LRRC8E: variants seen among roughly 807,000 people sequenced by gnomAD.
LRRC8E encodes the protein volume-regulated anion channel subunit LRRC8E.
Under a neutral mutation model 6.1 loss-of-function variants are expected in LRRC8E, and 6 were observed. The observed-to-expected ratio is 0.98, with a 90% CI of 0.54 to 1.93. LRRC8E has a LOEUF of 1.93. Ranked by LOEUF, LRRC8E falls within the 30% of genes most tolerant of loss-of-function variation. The probability of loss-of-function intolerance (pLI) is 0.01; values close to 1 mark genes in which losing one functional copy is unlikely to be tolerated. For missense variants in LRRC8E, 1,028 were observed against 1,031.4 expected (o/e 1.00, Z 0.04); for synonymous variants, 485 against 472.8 (o/e 1.03, Z -0.33).
intron 2 of LRRC8E, among the ~76,000 whole-genome samples, chr19:7,898,103 A>G (rs1981695223): frequency 6.6e-6 from 1 of 151,704 alleles, no homozygotes; most frequent in Non-Finnish European, 1.5e-5. Context: ...CCGGCTACTC[A>G]GCAGGCTGAG....
chr19:7,894,760 G>A (rs900753441), intron 1 of LRRC8E, among the ~76,000 whole-genome samples: 1 of 152,218 alleles, frequency 6.6e-6, no homozygotes, highest in African/African-American at 2.4e-5. Flanking sequence ...GGTCTAAAAG[G>A]AGACCCTGGG....
At chr19:7,889,991 T>C (rs55762289) in intron 1 of LRRC8E, among the ~76,000 whole-genome samples, 10,968 of 151,698 alleles carry the variant, frequency 0.072, 476 homozygotes, top group Non-Finnish European at 0.1. Context: ...GTGATCCACC[T>C]GCCTCAACCT....
chr19:7,895,646 C>G lies in LRRC8E; in HGVS notation c.43C>G (p.Pro15Ala), dbSNP rs1599605564. The G allele has an allele frequency of 4.3e-6, 7 of 1,614,100 alleles. No homozygotes were observed. The highest frequency in any genetic ancestry group is 4.2e-6 in the Non-Finnish European group (5 of 1,179,966). ...GTTCAAGCAGTTCACGGAACAGCAG[C>G]CTGCGTTCAAGGTGCTCAAACCCTG... ...AEFKQFTEQQ[P>A]AFKVLKPWWD... Residue 15 changes from proline to alanine, a missense_variant, in exon 2 of 3, where the codon CCT (proline) becomes GCT (alanine). By Grantham distance (27) the Pro-to-Ala change is conservative. Coordinates refer to ENST00000306708, the MANE Select transcript of LRRC8E (RefSeq NM_025061.6). The surrounding 1 kb of genome is among the most constrained non-coding windows in gnomAD (Gnocchi z 4.7).
chr19:7,895,497 G>T lies in LRRC8E; in HGVS notation c.-5-102G>T. ...TGGTTTGGACAAGTTTGGGCAGGGA[G>T]GGTCACAGGCCTGCCTGTGTCCGGC... is the stretch of plus-strand genomic sequence containing the variant. On this transcript the variant is annotated intron_variant, in intron 1 of 2. Coordinates refer to ENST00000306708, the MANE Select transcript of LRRC8E (RefSeq NM_025061.6). The surrounding 1 kb of genome is among the most constrained non-coding windows in gnomAD (Gnocchi z 4.7). 1 of 1,434,706 alleles carries T rather than the reference G, an allele frequency of 7.0e-7. No individual in the cohort carries two copies. The highest frequency in any genetic ancestry group is 9.6e-7 in the Non-Finnish European group (1 of 1,039,284). The allele number at this position is 1,434,706 out of a possible 1,614,324, so 88.9% of individuals were successfully genotyped here.
Position 7,899,285 on chromosome 19 carries a change from T to C in LRRC8E, c.763T>C (p.Tyr255His), listed in dbSNP as rs1310039916. 6.2e-7 allele frequency: 1 copy of C among 1,614,234 alleles called. No individual in the cohort carries two copies. Among genetic ancestry groups the C allele is most frequent in the Non-Finnish European group, 8.5e-7 (1 of 1,180,036 alleles). Residue 255 changes from tyrosine to histidine, a missense_variant, in exon 3 of 3, where the codon TAC becomes CAC. Transcript: ENST00000306708. ...AGAGGGCGACATCCTGTACACCATG[T>C]ACATCCGACAGACGGTGCTGAAAGT... ...VEEGDILYTM[Y>H]IRQTVLKVCK...
chr19:7,895,536 C>A lies in LRRC8E; in HGVS notation c.-5-63C>A, dbSNP rs1981532636. 2.5e-6 allele frequency: 4 copies of A among 1,577,534 alleles called. No individual in the cohort carries two copies. The highest frequency in any genetic ancestry group is 3.5e-6 in the Non-Finnish European group (4 of 1,152,248). Reference sequence around the variant, plus strand: ...CCTGTGTCCGGCTCCTCGGAGGACCCCCTGCAGAGCCTCCCATCCTGAGGG... The same window carrying A: ...CCTGTGTCCGGCTCCTCGGAGGACCACCTGCAGAGCCTCCCATCCTGAGGG... On this transcript the variant is annotated intron_variant, in intron 1 of 2. Transcript: ENST00000306708. This position sits in a 1 kb window ranked among gnomAD's most constrained non-coding sequence, Gnocchi z 4.7.
In LRRC8E at chr19:7,895,362, CA is replaced by C; in HGVS notation, c.-5-236del. On this transcript the variant is annotated intron_variant, in intron 1 of 2. Transcript: ENST00000306708. This position sits in a 1 kb window ranked among gnomAD's most constrained non-coding sequence, Gnocchi z 4.7. The stretch of plus-strand genomic sequence containing the variant: ...GAGGTCAGACAAGTCAGATCAGGTG[CA>C]GGGGTGCCCAGAGGGGAACAGTGGC... 1.9e-6 allele frequency: 1 copy of C among 527,356 alleles called. No individual in the cohort carries two copies. Among genetic ancestry groups the C allele is most frequent in the Non-Finnish European group, 3.5e-6 (1 of 289,430 alleles). The allele number at this position is 527,356 out of a possible 1,614,324, so 32.7% of individuals were successfully genotyped here.
rs1981966258 is a variant in LRRC8E at position 7,900,823 on chromosome 19, T to TG, written c.2307dup (p.Leu770AlafsTer37). ...CGCTGCCAGAAGAACTTGGCAACTG[T>TG]GGGGGGCTCAAGAAGGCGGGGCTCC... On this transcript the variant is annotated frameshift_variant, in exon 3 of 3. Coordinates refer to ENST00000306708, the MANE Select transcript of LRRC8E (RefSeq NM_025061.6). LOFTEE classifies it low-confidence loss of function (END_TRUNC). The surrounding 1 kb of genome is among the most constrained non-coding windows in gnomAD (Gnocchi z 5.0). The TG allele has an allele frequency of 6.3e-7, 1 of 1,586,712 alleles. No homozygotes were observed. The highest frequency in any genetic ancestry group is 1.8e-5 in the Admixed American group (1 of 55,848).
intron 1 of LRRC8E, among the ~76,000 whole-genome samples, chr19:7,892,671 T>C (rs1211536855): frequency 1.3e-5 from 2 of 152,300 alleles, no homozygotes; most frequent in Middle Eastern, 3.4e-3. Context: ...TGCACAAATA[T>C]GCATGACCCA....
chr19:7,898,260 C>A (rs1981709253), intron 2 of LRRC8E, among the ~76,000 whole-genome samples: 1 of 150,868 alleles, frequency 6.6e-6, no homozygotes, highest in Non-Finnish European at 1.5e-5. Context: ...CAAAACTCTT[C>A]CAAAATCACA....
In LRRC8E at chr19:7,900,191, G is replaced by A. The variant is rs1186862362; in HGVS notation, c.1669G>A (p.Ala557Thr). The change falls in exon 3 of 3, where the codon GCT becomes ACT. Residue 557 changes from alanine (A) to threonine (T), a missense_variant. Coordinates refer to ENST00000306708, the MANE Select transcript of LRRC8E (RefSeq NM_025061.6). This position sits in a 1 kb window ranked among gnomAD's most constrained non-coding sequence, Gnocchi z 5.0. The stretch of plus-strand genomic sequence containing the variant: ...GGTGCCAGCCAGTGTGACCGACGTT[G>A]CTGGCCACCTGCAGAGGCTCAGCCT... ...GKVPASVTDV[A>T]GHLQRLSLHN... The A allele has an allele frequency of 1.2e-6, 2 of 1,612,852 alleles. No individual in the cohort carries two copies. Among genetic ancestry groups the A allele is most frequent in the Admixed American group, 3.3e-5 (2 of 60,002 alleles).
chr19:7,893,205 A>C (rs922018055), intron 1 of LRRC8E, among the ~76,000 whole-genome samples: 1 of 152,136 alleles, frequency 6.6e-6, no homozygotes, highest in Non-Finnish European at 1.5e-5. Context: ...ACGGGGTTTC[A>C]TCACGTTGGC....
At chr19:7,891,232 C>T (rs1324704436) in intron 1 of LRRC8E, among the ~76,000 whole-genome samples, 1 of 152,162 alleles carries the variant, frequency 6.6e-6, no homozygotes, top group African/African-American at 2.4e-5. Flanking sequence ...TGAGCGTATA[C>T]GTCCCATCGT....
intron 2 of LRRC8E, among the ~76,000 whole-genome samples, chr19:7,897,294 C>T (rs1026126707): frequency 1.3e-5 from 2 of 151,850 alleles, no homozygotes; most frequent in African/African-American, 4.8e-5. Flanking sequence ...CTTAGCCTCC[C>T]AAGTAGCTGG....
Position 7,899,926 on chromosome 19 carries a change from C to T in LRRC8E, c.1404C>T (p.Leu468=). The T allele has an allele frequency of 6.2e-7, 1 of 1,608,574 alleles. No homozygotes were observed. Among genetic ancestry groups the T allele is most frequent in the Non-Finnish European group, 8.5e-7 (1 of 1,179,978 alleles). The change falls in exon 3 of 3, where the codon CTC becomes CTT. Residue 468 remains leucine (L), a synonymous_variant. Coordinates refer to ENST00000306708, the MANE Select transcript of LRRC8E (RefSeq NM_025061.6). The part of the protein sequence containing the change: ...QLVHLQELSL[L]HSPARLPFSL... Reference sequence around the variant, plus strand: ...TGCACTTGCAGGAGCTCAGCTTGCTCCACTCGCCCGCCAGGCTACCCTTCT... The same window carrying T: ...TGCACTTGCAGGAGCTCAGCTTGCTTCACTCGCCCGCCAGGCTACCCTTCT...
In LRRC8E at chr19:7,901,205, C is replaced by T. The variant is rs532276233; in HGVS notation, c.*292C>T. 1.3e-4 allele frequency: 39 copies of T among 291,934 alleles called. No homozygotes were observed. The South Asian group carries it at 1.6e-3, about 12-fold the overall frequency. 18.1% of individuals were successfully genotyped at this position (291,934 alleles called of 1,614,324 possible). On this transcript the variant is annotated 3_prime_UTR_variant, in exon 3 of 3. Coordinates refer to ENST00000306708, the MANE Select transcript of LRRC8E (RefSeq NM_025061.6). The stretch of plus-strand genomic sequence containing the variant: ...CTGGCAGGCTGGCTGGCCTTGCTCC[C>T]ATCCCTAGAACTGCTGCCTCTCCCT...
In LRRC8E at chr19:7,899,043, A is replaced by C. The variant is rs747616302; in HGVS notation, c.521A>C (p.Gln174Pro). 4 of 1,613,584 alleles carry C rather than the reference A, an allele frequency of 2.5e-6. No homozygotes were observed. In the South Asian group the frequency reaches 3.3e-5, roughly 13 times the overall value. The part of the protein sequence containing the change: ...RALSEVSGEN[Q>P]KGPAATERAA... Reference sequence around the variant, plus strand: ...CTATCCGAGGTCTCCGGGGAGAACCAGAAGGGCCCAGCAGCCACCGAACGG... The same window carrying C: ...CTATCCGAGGTCTCCGGGGAGAACCCGAAGGGCCCAGCAGCCACCGAACGG... The change falls in exon 3 of 3, where the codon CAG (glutamine) becomes CCG (proline). Residue 174 changes from glutamine (Q) to proline (P), a missense_variant. Transcript: ENST00000306708.
Position 7,895,869 on chromosome 19 carries a change from C to A in LRRC8E, c.138+128C>A. The A allele has an allele frequency of 8.6e-7, 1 of 1,163,846 alleles. No individual in the cohort carries two copies. Among genetic ancestry groups the A allele is most frequent in the Non-Finnish European group, 1.2e-6 (1 of 826,746 alleles). 72.1% of individuals were successfully genotyped at this position (1,163,846 alleles called of 1,614,324 possible). ...GACAGAGCCCCACTCAAAGGCCAAT[C>A]CAGACCCCTTATCTTCCTTACCTCC... On this transcript the variant is annotated intron_variant, in intron 2 of 2. Transcript: ENST00000306708. This position sits in a 1 kb window ranked among gnomAD's most constrained non-coding sequence, Gnocchi z 4.7.
intron 2 of LRRC8E, among the ~76,000 whole-genome samples, chr19:7,897,470 G>A (rs900965309): frequency 4.0e-4 from 59 of 147,682 alleles, no homozygotes; most frequent in African/African-American, 7.3e-4. Context: ...GAGCCACTGC[G>A]CCTGGTCGAG....
Sources: allele counts gnomAD v4.1 joint callset (sites outside exome capture counted in the v4.1 genomes callset), GRCh38; gene constraint gnomAD v4.1.1; non-coding constraint Gnocchi (gnomAD v3.1); transcripts MANE v1.5; gene names NCBI Gene and HGNC (gene_info 2026-07-23, HGNC 2026-07-21).